LDLRAD3: variants seen among roughly 807,000 people sequenced by gnomAD.
The protein encoded by LDLRAD3 is low-density lipoprotein receptor class A domain-containing protein 3.
LDLRAD3 carries 20 observed loss-of-function variants against 29.4 expected under a neutral mutation model. The ratio of observed to expected loss-of-function variants is 0.68; its 90% CI spans 0.48 to 0.99. The LOEUF is 0.99. Ranked by LOEUF, LDLRAD3 falls within the 50% of genes least tolerant of loss-of-function variation. LDLRAD3 has a pLI of 0.00. For missense variants in LDLRAD3, 420 were observed against 454.3 expected (o/e 0.92, Z 0.69); for synonymous variants, 157 against 192.7 (o/e 0.81, Z 1.53).
intron 4 of LDLRAD3, among the ~76,000 whole-genome samples, chr11:36,123,091 G>C (rs1464673949): frequency 1.3e-5 from 2 of 152,082 alleles, no homozygotes; most frequent in African/African-American, 2.4e-5. Flanking sequence ...GGAGGTTGAG[G>C]TGGGAGGATC....
At chr11:36,168,282 A>G (rs2133344929) in intron 4 of LDLRAD3, among the ~76,000 whole-genome samples, 1 of 152,290 alleles carries the variant, frequency 6.6e-6, no homozygotes, top group African/African-American at 2.4e-5. Flanking sequence ...AATATGCATG[A>G]TATAACCTCC....
chr11:36,122,070 A>G (rs1422653850), intron 4 of LDLRAD3, among the ~76,000 whole-genome samples: 1 of 152,232 alleles, frequency 6.6e-6, no homozygotes, highest in Non-Finnish European at 1.5e-5. Flanking sequence ...TGGCAGAGCC[A>G]GGATTCGAAC....
At position 36,227,229 on chromosome 11, in the gene LDLRAD3, G is replaced by A. The variant is rs745363307; in HGVS notation, c.599G>A (p.Arg200Gln). The A allele has an allele frequency of 2.0e-5, 33 of 1,614,192 alleles. No individual in the cohort carries two copies. Among genetic ancestry groups the A allele is most frequent in the South Asian group, 3.3e-5 (3 of 91,076 alleles). Residue 200 changes from arginine (R) to glutamine (Q), a missense_variant, in exon 5 of 6, where the codon CGG becomes CAG. Arg to Gln is a conservative substitution (Grantham distance 43). Around this residue, in one of 3 missense-constraint regions of LDLRAD3, gnomAD observed 56 missense variants for 92.2 expected, o/e 0.61. Transcript: ENST00000315571. The part of the protein sequence containing the change: ...LALVLHHQRK[R>Q]NNLMTLPVHR... ...CTGGTCTTGCACCACCAGCGGAAGC[G>A]GAACAACCTCATGACGCTGCCCGTG...
rs1482876537 is a variant in LDLRAD3 at position 35,944,880 on chromosome 11, C to CGT, written c.46+740_46+741dup. On this transcript the variant is annotated intron_variant, in intron 1 of 5. Transcript: ENST00000315571. This position sits in a 1 kb window ranked among gnomAD's most constrained non-coding sequence, Gnocchi z 4.9. ...CCCTTTGAACCTGGCATCACCACCG[C>CGT]GTGTGCATCCCGGGGCCTGGACCGC... 6.6e-6 allele frequency among the ~76,000 whole-genome samples: 1 copy of CGT among 152,234 alleles called. No individual in the cohort carries two copies. Among genetic ancestry groups the CGT allele is most frequent in the Non-Finnish European group, 1.5e-5 (1 of 68,044 alleles).
intron 4 of LDLRAD3, among the ~76,000 whole-genome samples, chr11:36,200,761 A>C (rs998332926): frequency 6.6e-6 from 1 of 152,210 alleles, no homozygotes; most frequent in Non-Finnish European, 1.5e-5. Flanking sequence ...TGCTCAACCC[A>C]TGGGCTTGCA....
intron 2 of LDLRAD3, among the ~76,000 whole-genome samples, chr11:36,064,959 T>C (rs948643042): frequency 6.6e-6 from 1 of 152,212 alleles, no homozygotes; most frequent in South Asian, 2.1e-4. Context: ...TCCTGGAGAA[T>C]GTTTCATGTA....
chr11:36,078,922 C>T (rs1242765800), intron 2 of LDLRAD3, among the ~76,000 whole-genome samples: 1 of 152,198 alleles, frequency 6.6e-6, no homozygotes, highest in African/African-American at 2.4e-5. Context: ...TCCCATAAGT[C>T]CCAGCTGTGC....
chr11:36,194,602 C>T (rs557424420), intron 4 of LDLRAD3, among the ~76,000 whole-genome samples: 41 of 152,304 alleles, frequency 2.7e-4, no homozygotes, highest in African/African-American at 9.1e-4. Flanking sequence ...TCCATGGGTT[C>T]ATGGTTGCCC....
intron 4 of LDLRAD3, among the ~76,000 whole-genome samples, chr11:36,136,935 C>A (rs1434911749): frequency 6.6e-6 from 1 of 152,156 alleles, no homozygotes; most frequent in Non-Finnish European, 1.5e-5. Flanking sequence ...GAGTGATCCA[C>A]CTGCCTCAGC....
At chr11:36,048,718 C>T (rs917970074) in intron 2 of LDLRAD3, among the ~76,000 whole-genome samples, 32 of 152,152 alleles carry the variant, frequency 2.1e-4, no homozygotes, top group Admixed American at 5.2e-4. Context: ...GGGACTTGGA[C>T]GGCATCTGCA....
chr11:36,114,283 G>T (rs576532543), intron 4 of LDLRAD3, among the ~76,000 whole-genome samples: 1 of 152,308 alleles, frequency 6.6e-6, no homozygotes, highest in East Asian at 1.9e-4. Flanking sequence ...TCACTCAAGT[G>T]AAATGGGTCG....
intron 3 of LDLRAD3, among the ~76,000 whole-genome samples, chr11:36,090,448 A>G (rs1257647105): frequency 6.6e-6 from 1 of 152,032 alleles, no homozygotes; most frequent in Non-Finnish European, 1.5e-5. Flanking sequence ...GCAGTAGGAG[A>G]AAGATGTTTA....
chr11:36,010,639 C>A (rs985074715), intron 1 of LDLRAD3, among the ~76,000 whole-genome samples: 2 of 152,148 alleles, frequency 1.3e-5, no homozygotes, highest in African/African-American at 4.8e-5. Context: ...TTTTCCCACC[C>A]TTATATCCTC....
chr11:36,096,166 T>C lies in LDLRAD3; in HGVS notation c.320-2161T>C, dbSNP rs1853357739. Among the ~76,000 whole-genome samples the C allele has an allele frequency of 2.0e-5, 3 of 152,368 alleles. No homozygotes were observed. The South Asian group carries it at 6.2e-4, about 32-fold the overall frequency. ...GGTTTCCTCCATTTCCCCACCTCTC[T>C]GACCTTTCAAATCAAACTTTTGGAA... On this transcript the variant is annotated intron_variant, in intron 3 of 5. Transcript: ENST00000315571.
chr11:36,226,573 A>C (rs1855501509), intron 4 of LDLRAD3, among the ~76,000 whole-genome samples: 1 of 152,208 alleles, frequency 6.6e-6, no homozygotes, highest in Non-Finnish European at 1.5e-5. Context: ...TTAAGTTTAC[A>C]GTTCAGTGAT....
chr11:36,031,193 G>C (rs1311464444), intron 1 of LDLRAD3, among the ~76,000 whole-genome samples: 1 of 152,148 alleles, frequency 6.6e-6, no homozygotes, highest in East Asian at 1.9e-4. Context: ...AAAGAGAAGG[G>C]AGGAGGAGAA....
chr11:36,021,223 G>T (rs1275246408), intron 1 of LDLRAD3, among the ~76,000 whole-genome samples: 2 of 152,150 alleles, frequency 1.3e-5, no homozygotes, highest in Admixed American at 6.5e-5. Context: ...TGGCGGTGTT[G>T]GTTTGGAAGT....
intron 4 of LDLRAD3, among the ~76,000 whole-genome samples, chr11:36,181,923 ACTGTTTCTCTCT>A (rs1313315269): frequency 1.3e-5 from 2 of 149,882 alleles, no homozygotes; most frequent in Non-Finnish European, 2.9e-5. Context: ...TCTCTCTCTC[ACTGTTTCTCTCT>A]CTGTAATACA....
chr11:36,150,268 G>A (rs765077783), intron 4 of LDLRAD3, among the ~76,000 whole-genome samples: 1 of 152,148 alleles, frequency 6.6e-6, no homozygotes, highest in African/African-American at 2.4e-5. Flanking sequence ...TGGCTCACAC[G>A]TGTAATCTCA....
Sources: allele counts gnomAD v4.1 joint callset (sites outside exome capture counted in the v4.1 genomes callset), GRCh38; gene constraint gnomAD v4.1.1; regional missense constraint gnomAD v4.1.1; non-coding constraint Gnocchi (gnomAD v3.1); transcripts MANE v1.5; gene names NCBI Gene and HGNC (gene_info 2026-07-23, HGNC 2026-07-21).